PSMA8: variants seen among roughly 807,000 people sequenced by gnomAD.
PSMA8 encodes the protein proteasome subunit alpha-type 8.
A neutral mutation model predicts 32.4 loss-of-function variants in PSMA8; 18 were observed. The ratio of observed to expected loss-of-function variants is 0.56; its 90% CI spans 0.38 to 0.82. The LOEUF is 0.82. Among genes scored for constraint, PSMA8 ranks in the 40% least tolerant of loss-of-function variants. PSMA8 has a pLI of 0.00. For missense variants in PSMA8, 298 were observed against 300.7 expected, an observed-to-expected ratio of 0.99 and a Z score of 0.07; for synonymous variants, 104 against 98.1, an observed-to-expected ratio of 1.06 and a Z score of -0.36.
intron 4 of PSMA8, among the ~76,000 whole-genome samples, chr18:26,162,668 A>G (rs1415730086): frequency 1.3e-5 from 2 of 152,134 alleles, no homozygotes; most frequent in Non-Finnish European, 2.9e-5. Flanking sequence ...GATTGAGACC[A>G]TCCTGGCTAA....
In PSMA8 at chr18:26,144,801, CAAT is replaced by C. The variant is rs1292959959; in HGVS notation, c.229+118_229+120del. 7.6e-6 allele frequency: 7 copies of C among 919,218 alleles called. No homozygotes were observed. The African/African-American group carries it at 1.2e-4, about 15-fold the overall frequency. 56.9% of individuals were successfully genotyped at this position (919,218 alleles called of 1,614,324 possible). Reference sequence around the variant, plus strand: ...AAAACATGTGGAGTTGTTCTACAAACAATATATCCTACGTTTTAAAGCAAATAC... The same window carrying C: ...AAAACATGTGGAGTTGTTCTACAAACATATCCTACGTTTTAAAGCAAATAC... On this transcript the variant is annotated intron_variant, in intron 2 of 6. Coordinates refer to ENST00000415576, the MANE Select transcript of PSMA8 (RefSeq NM_001025096.2).
chr18:26,139,953 T>C, intron 1 of PSMA8: 1 of 672,168 alleles, frequency 1.5e-6, no homozygotes, highest in African/African-American at 1.8e-5. Context: ...TCTGTACTCT[T>C]GTAGCTTACT....
intron 4 of PSMA8, among the ~76,000 whole-genome samples, chr18:26,172,579 G>A (rs943549282): frequency 6.6e-6 from 1 of 152,118 alleles, no homozygotes; most frequent in African/African-American, 2.4e-5. Context: ...GCTGCATATG[G>A]AAGTAATTGG....
At chr18:26,166,179 T>C (rs115494364) in intron 4 of PSMA8, among the ~76,000 whole-genome samples, 5 of 152,150 alleles carry the variant, frequency 3.3e-5, no homozygotes, top group Non-Finnish European at 5.9e-5. Context: ...GTGGAATCCT[T>C]ATTGTGCATG....
chr18:26,180,214 G>T (rs2055299513), intron 6 of PSMA8, among the ~76,000 whole-genome samples: 1 of 152,164 alleles, frequency 6.6e-6, no homozygotes, highest in Non-Finnish European at 1.5e-5. Context: ...GATTATGCCA[G>T]TGATCTGGGC....
chr18:26,143,903 G>A (rs2054980103), intron 1 of PSMA8, among the ~76,000 whole-genome samples: 2 of 151,992 alleles, frequency 1.3e-5, no homozygotes, highest in Admixed American at 1.3e-4. Flanking sequence ...TGTGTTTTTA[G>A]TAGAGACGGG....
chr18:26,153,131 C>A (rs1303455205), intron 3 of PSMA8, among the ~76,000 whole-genome samples: 1 of 151,836 alleles, frequency 6.6e-6, no homozygotes, highest in Non-Finnish European at 1.5e-5. Flanking sequence ...TTTTTTTTTA[C>A]TAATTTTAAG....
intron 6 of PSMA8, among the ~76,000 whole-genome samples, chr18:26,187,521 C>G (rs776134609): frequency 3.3e-5 from 5 of 151,930 alleles, no homozygotes; most frequent in Non-Finnish European, 5.9e-5. Context: ...ACCCAATGAT[C>G]TGTTGACTAC....
At chr18:26,181,395 C>T (rs1178200158) in intron 6 of PSMA8, among the ~76,000 whole-genome samples, 1 of 152,182 alleles carries the variant, frequency 6.6e-6, no homozygotes, top group Non-Finnish European at 1.5e-5. Flanking sequence ...TCTCCCTCTC[C>T]TCAGGCCTCC....
chr18:26,173,399 T>G (rs936436699), intron 4 of PSMA8, among the ~76,000 whole-genome samples: 1 of 152,218 alleles, frequency 6.6e-6, no homozygotes, highest in East Asian at 1.9e-4. Context: ...TTTCTAGCAC[T>G]GTAGCCCATT....
At chr18:26,140,016 C>T in intron 1 of PSMA8, 1 of 702,462 alleles carries the variant, frequency 1.4e-6, no homozygotes, top group Non-Finnish European at 2.6e-6. Context: ...ATTCATAGAT[C>T]TCCATACTTT....
At chr18:26,191,244 A>G (rs1165571025) in intron 6 of PSMA8, among the ~76,000 whole-genome samples, 3 of 152,162 alleles carry the variant, frequency 2.0e-5, no homozygotes, top group Non-Finnish European at 4.4e-5. Context: ...TTGATCATTC[A>G]TTTATCAATT....
At chr18:26,141,103 A>T (rs190128166) in intron 1 of PSMA8, among the ~76,000 whole-genome samples, 201 of 152,264 alleles carry the variant, frequency 1.3e-3, no homozygotes, top group South Asian at 4.4e-3. Context: ...TAAAATAACC[A>T]AATCTTGGTA....
intron 2 of PSMA8, among the ~76,000 whole-genome samples, chr18:26,148,869 C>T (rs977646425): frequency 1.3e-5 from 2 of 152,020 alleles, no homozygotes; most frequent in African/African-American, 4.8e-5. Flanking sequence ...TAATTTGAAA[C>T]AGGGTCTCAC....
intron 4 of PSMA8, among the ~76,000 whole-genome samples, chr18:26,164,402 T>C (rs1426955475): frequency 1.3e-5 from 2 of 152,236 alleles, no homozygotes; most frequent in Non-Finnish European, 2.9e-5. Flanking sequence ...ACATATTACT[T>C]GTTAATCACA....
intron 6 of PSMA8, among the ~76,000 whole-genome samples, chr18:26,184,986 G>C (rs369942544): frequency 6.8e-6 from 1 of 148,072 alleles, no homozygotes; most frequent in African/African-American, 2.5e-5. Flanking sequence ...TATTCAGGGG[G>C]CTGAGGCAGG....
rs202167783 is a variant in PSMA8 at position 26,147,943 on chromosome 18, TAGAC to T, written c.229+3262_229+3265del. Among the ~76,000 whole-genome samples, 746 of 152,252 alleles carry T rather than the reference TAGAC, an allele frequency of 4.9e-3. 6 individuals are homozygous for T. The highest frequency in any genetic ancestry group is 0.012 in the African/African-American group (480 of 41,558). ...AGAGAGTACTGTGAACAATTGTACATAGACAGAATTCCTTGAAACACACCTTGCT... is the reference window on the plus strand; with the variant it reads ...AGAGAGTACTGTGAACAATTGTACATAGAATTCCTTGAAACACACCTTGCT... On this transcript the variant is annotated intron_variant, in intron 2 of 6. Coordinates refer to ENST00000415576, the MANE Select transcript of PSMA8 (RefSeq NM_001025096.2).
intron 1 of PSMA8, among the ~76,000 whole-genome samples, chr18:26,134,345 GTGTGTGTGTGTGTGTGTGTCTC>G (rs1465952789): frequency 3.1e-5 from 4 of 130,900 alleles, no homozygotes; most frequent in Admixed American, 7.1e-5. Context: ...GTGTGGGTGT[GTGTGTGTGTGTGTGTGTGTCTC>G]TGTGTGTGTG....
intron 2 of PSMA8, among the ~76,000 whole-genome samples, chr18:26,146,196 GT>G (rs1156982084): frequency 5.5e-4 from 76 of 138,860 alleles, no homozygotes; most frequent in Middle Eastern, 7.2e-3. Context: ...TTCTGATTGG[GT>G]TTTTTTTTTT....
Sources: gnomAD v4.1 joint callset for allele counts (sites outside exome capture counted in the v4.1 genomes callset) on GRCh38, gnomAD v4.1.1 for gene constraint, MANE v1.5 for transcripts, NCBI Gene and HGNC (gene_info 2026-07-23, HGNC 2026-07-21) for gene names.